The following MYRIP variants were observed in gnomAD, a reference collection of about 807,000 sequenced individuals.
MYRIP encodes rab effector MyRIP.
In MYRIP, 49 loss-of-function variants were observed where a neutral mutation model predicts 98.0. The observed-to-expected ratio is 0.50, with a 90% CI of 0.40 to 0.63. The LOEUF (loss-of-function observed/expected upper bound fraction) is 0.63. Among genes scored for constraint, MYRIP ranks in the 30% least tolerant of loss-of-function variants. The pLI is 0.00. For missense variants in MYRIP, 1,004 were observed against 1,058.2 expected, an observed-to-expected ratio of 0.95 and a Z score of 0.71; for synonymous variants, 404 against 409.5, an observed-to-expected ratio of 0.99 and a Z score of 0.16.
intron 2 of MYRIP, among the ~76,000 whole-genome samples, chr3:39,916,575 A>G (rs1944165722): frequency 1.3e-5 from 2 of 152,104 alleles, no homozygotes; most frequent in South Asian, 4.1e-4. Flanking sequence ...CAAAAAGAAC[A>G]CCTTGGCTGT....
In MYRIP at chr3:40,214,284, C is replaced by T. The variant is rs543072708; in HGVS notation, c.1905+4191C>T. 2.0e-5 allele frequency among the ~76,000 whole-genome samples: 3 copies of T among 152,142 alleles called. No individual in the cohort carries two copies. In the South Asian group the frequency reaches 6.2e-4, roughly 31 times the overall value. ...GCTTGCCTCACACAGAGGGGGAGCTCAGCCAGGGCCTCCATCACTGTCCCT... is the reference window on the plus strand; with the variant it reads ...GCTTGCCTCACACAGAGGGGGAGCTTAGCCAGGGCCTCCATCACTGTCCCT... On this transcript the variant is annotated intron_variant, in intron 11 of 16. Coordinates refer to ENST00000302541, the MANE Select transcript of MYRIP (RefSeq NM_015460.4).
At chr3:39,999,581 T>A (rs998674883) in intron 2 of MYRIP, among the ~76,000 whole-genome samples, 5 of 148,928 alleles carry the variant, frequency 3.4e-5, no homozygotes, top group Non-Finnish European at 7.4e-5. Context: ...TTGGTGGGAC[T>A]GTAAACTAGT....
At position 40,259,055 on chromosome 3, in the gene MYRIP, T is replaced by C. The variant is rs889181764; in HGVS notation, c.*889T>C. 2 of 152,146 alleles carry C rather than the reference T, an allele frequency of 1.3e-5. No homozygotes were observed. Among genetic ancestry groups the C allele is most frequent in the African/African-American group, 4.8e-5 (2 of 41,416 alleles). The allele number at this position is 152,146 out of a possible 1,614,324, so 9.4% of individuals were successfully genotyped here. A position where few individuals can be genotyped will look rare whatever the true frequency, so the allele number is the denominator to read the frequency against. On this transcript the variant is annotated 3_prime_UTR_variant, in exon 17 of 17. Coordinates refer to ENST00000302541, the MANE Select transcript of MYRIP (RefSeq NM_015460.4). ...TGAATTATCGCAGAGAAAAACCACATGAGAAAATTTTTGTACTCCAAATTT... is the reference window on the plus strand; with the variant it reads ...TGAATTATCGCAGAGAAAAACCACACGAGAAAATTTTTGTACTCCAAATTT...
intron 8 of MYRIP, among the ~76,000 whole-genome samples, chr3:40,170,947 G>A (rs572568531): frequency 2.0e-5 from 3 of 152,166 alleles, no homozygotes; most frequent in African/African-American, 7.2e-5. Context: ...GCACATGGTC[G>A]ACTTGCAGTC....
At chr3:39,911,955 C>T (rs1032793018) in intron 2 of MYRIP, among the ~76,000 whole-genome samples, 1 of 152,206 alleles carries the variant, frequency 6.6e-6, no homozygotes, top group Non-Finnish European at 1.5e-5. Flanking sequence ...AACAACCTCT[C>T]CCTGACTGTC....
chr3:40,034,498 A>T (rs373507446), intron 2 of MYRIP, among the ~76,000 whole-genome samples: 1 of 151,982 alleles, frequency 6.6e-6, no homozygotes, highest in African/African-American at 2.4e-5. Context: ...GCCATCAGAG[A>T]AATGCAAATC....
chr3:40,074,168 G>A (rs751559911), intron 3 of MYRIP, among the ~76,000 whole-genome samples: 10 of 151,276 alleles, frequency 6.6e-5, no homozygotes, highest in Admixed American at 1.3e-4. Flanking sequence ...TCCACCTCCC[G>A]GGTTCACACC....
intron 9 of MYRIP, among the ~76,000 whole-genome samples, chr3:40,187,904 C>T (rs1262947141): frequency 6.6e-6 from 1 of 152,164 alleles, no homozygotes; most frequent in Non-Finnish European, 1.5e-5. Context: ...GTTGTAGAGT[C>T]ACTAGGGCTT....
intron 2 of MYRIP, among the ~76,000 whole-genome samples, chr3:40,030,287 A>T (rs1947230490): frequency 6.6e-6 from 1 of 152,162 alleles, no homozygotes; most frequent in South Asian, 2.1e-4. Context: ...CAAAAGCATG[A>T]GATACCACCT....
At chr3:40,016,189 AT>A (rs1386068182) in intron 2 of MYRIP, among the ~76,000 whole-genome samples, 1 of 151,886 alleles carries the variant, frequency 6.6e-6, no homozygotes, top group Admixed American at 6.6e-5. Context: ...TGACTACTGC[AT>A]TTTTATCTTC....
intron 2 of MYRIP, among the ~76,000 whole-genome samples, chr3:40,006,121 C>T (rs1208876770): frequency 1.3e-5 from 2 of 152,178 alleles, no homozygotes; most frequent in East Asian, 3.8e-4. Context: ...GTTAAAGAAT[C>T]AGATGAACTT....
At chr3:39,892,037 C>A (rs182501494) in intron 1 of MYRIP, among the ~76,000 whole-genome samples, 1 of 151,920 alleles carries the variant, frequency 6.6e-6, no homozygotes, top group Admixed American at 6.6e-5. Flanking sequence ...TTCCGTCTTC[C>A]TCTAGAAAGC....
intron 2 of MYRIP, among the ~76,000 whole-genome samples, chr3:40,003,439 A>G (rs1946566193): frequency 6.6e-6 from 1 of 152,218 alleles, no homozygotes; most frequent in South Asian, 2.1e-4. Flanking sequence ...GTCTTGTGAA[A>G]TAGGATTTCA....
At chr3:39,829,467 T>C (rs1941371567) in intron 1 of MYRIP, among the ~76,000 whole-genome samples, 1 of 152,140 alleles carries the variant, frequency 6.6e-6, no homozygotes, top group Non-Finnish European at 1.5e-5. Context: ...GTAATGTAGT[T>C]CCTGTTCTGT....
chr3:39,841,041 A>G (rs1941784727), intron 1 of MYRIP, among the ~76,000 whole-genome samples: 1 of 152,140 alleles, frequency 6.6e-6, no homozygotes, highest in South Asian at 2.1e-4. Context: ...CCTGGATAAT[A>G]TCCTCAAGTG....
intron 1 of MYRIP, among the ~76,000 whole-genome samples, chr3:39,814,205 G>A (rs1446973259): frequency 6.6e-6 from 1 of 152,118 alleles, no homozygotes; most frequent in Non-Finnish European, 1.5e-5. Context: ...TCCTAGGTTT[G>A]GCAGGTTGCC....
At chr3:39,932,369 T>C (rs951032918) in intron 2 of MYRIP, among the ~76,000 whole-genome samples, 1 of 122,822 alleles carries the variant, frequency 8.1e-6, no homozygotes, top group African/African-American at 3.4e-5. Context: ...AAAATGAGTC[T>C]TTTTTTTTTG....
chr3:39,925,982 C>T (rs1168029897), intron 2 of MYRIP, among the ~76,000 whole-genome samples: 1 of 152,110 alleles, frequency 6.6e-6, no homozygotes. Context: ...TCCACAACCT[C>T]ACCAACACCT....
At chr3:39,969,921 A>G (rs954367196) in intron 2 of MYRIP, among the ~76,000 whole-genome samples, 3 of 152,144 alleles carry the variant, frequency 2.0e-5, no homozygotes, top group Non-Finnish European at 2.9e-5. Flanking sequence ...TACATCTGGT[A>G]GGATTTGGCT....
Sources: gnomAD v4.1 joint callset for allele counts (sites outside exome capture counted in the v4.1 genomes callset) on GRCh38, gnomAD v4.1.1 for gene constraint, MANE v1.5 for transcripts, NCBI Gene and HGNC (gene_info 2026-07-23, HGNC 2026-07-21) for gene names.